The following FNDC3B variants were observed in gnomAD, a reference collection of about 807,000 sequenced individuals.
The protein encoded by FNDC3B is fibronectin type III domain containing 3B, also known as fibronectin type III domain-containing protein 3B.
FNDC3B carries 12 observed loss-of-function variants against 151.5 expected under a neutral mutation model. The observed-to-expected ratio is 0.08, with a 90% CI of 0.05 to 0.13. FNDC3B has a LOEUF of 0.13. Ranked by LOEUF, FNDC3B falls within the 10% of genes least tolerant of loss-of-function variation. FNDC3B has a pLI of 1.00. For missense variants in FNDC3B, 1,214 were observed against 1,505.3 expected (o/e 0.81, Z 3.20); for synonymous variants, 528 against 549.0 (o/e 0.96, Z 0.54).
chr3:172,112,178 G>T (rs1469051300), intron 1 of FNDC3B, among the ~76,000 whole-genome samples: 1 of 152,196 alleles, frequency 6.6e-6, no homozygotes, highest in Non-Finnish European at 1.5e-5. Flanking sequence ...CTACCTTTAA[G>T]CCTGACTGAA....
chr3:172,309,221 G>A (rs369999497), intron 10 of FNDC3B, among the ~76,000 whole-genome samples: 1 of 152,148 alleles, frequency 6.6e-6, no homozygotes, highest in African/African-American at 2.4e-5. Flanking sequence ...CCAGGTGGGG[G>A]CACAAGGACA....
At chr3:172,059,638 CAG>C (rs1418216685) in intron 1 of FNDC3B, among the ~76,000 whole-genome samples, 1 of 152,036 alleles carries the variant, frequency 6.6e-6, no homozygotes, top group Non-Finnish European at 1.5e-5. Flanking sequence ...GGCAAGAAAT[CAG>C]GGCACAAATA....
Position 172,119,383 on chromosome 3 carries a change from C to CA in FNDC3B, c.111+6808dup, listed in dbSNP as rs5854460. ...AGTTGAGGAGCAAAATGTGGCCTAC[C>CA]AAAAAAAAAAAAAAAGGCTGTATTT... On this transcript the variant is annotated intron_variant, in intron 2 of 25. Coordinates refer to ENST00000415807, the MANE Select transcript of FNDC3B (RefSeq NM_022763.4). 3.2e-3 allele frequency among the ~76,000 whole-genome samples: 421 copies of CA among 131,916 alleles called. 3 individuals are homozygous for CA. Among genetic ancestry groups the CA allele is most frequent in the East Asian group, 9.5e-3 (44 of 4,618 alleles). 86.5% of individuals were successfully genotyped at this position (131,916 alleles called of 152,430 possible). A position where few individuals can be genotyped will look rare whatever the true frequency, so the allele number is the denominator to read the frequency against.
chr3:172,202,648 A>T (rs184408097), intron 3 of FNDC3B, among the ~76,000 whole-genome samples: 1 of 152,354 alleles, frequency 6.6e-6, no homozygotes, highest in Non-Finnish European at 1.5e-5. Flanking sequence ...TTGTCTTCTT[A>T]TAAAGTCTTA....
intron 3 of FNDC3B, among the ~76,000 whole-genome samples, chr3:172,153,635 C>T (rs1436949931): frequency 6.6e-6 from 1 of 152,166 alleles, no homozygotes; most frequent in African/African-American, 2.4e-5. Context: ...TAAAAGACAC[C>T]TTTCTTATAG....
At position 172,040,919 on chromosome 3, in the gene FNDC3B, C is replaced by T. The variant is rs1464406891; in HGVS notation, c.-29+1148C>T. Reference sequence around the variant, plus strand: ...GCGGCGCCTTTGGCGGGGAGGCTTCCAGGAGTGCGCGGTCGGAGTTGGAGC... The same window carrying T: ...GCGGCGCCTTTGGCGGGGAGGCTTCTAGGAGTGCGCGGTCGGAGTTGGAGC... On this transcript the variant is annotated intron_variant, in intron 1 of 25. Transcript: ENST00000415807. This position sits in a 1 kb window ranked among gnomAD's most constrained non-coding sequence, Gnocchi z 6.6. Among the ~76,000 whole-genome samples, 1 of 152,196 alleles carries T rather than the reference C, an allele frequency of 6.6e-6. No homozygotes were observed. The highest frequency in any genetic ancestry group is 1.5e-5 in the Non-Finnish European group (1 of 68,018).
At chr3:172,105,263 G>A (rs1184251954) in intron 1 of FNDC3B, among the ~76,000 whole-genome samples, 1 of 152,066 alleles carries the variant, frequency 6.6e-6, no homozygotes, top group African/African-American at 2.4e-5. Context: ...ATATGATTCC[G>A]TATCAAATTT....
chr3:172,259,410 G>A (rs528081363), intron 6 of FNDC3B, among the ~76,000 whole-genome samples: 1 of 152,296 alleles, frequency 6.6e-6, no homozygotes, highest in South Asian at 2.1e-4. Context: ...ACTCTAGTTA[G>A]GGGCCGAGCG....
chr3:172,326,097 A>G (rs2108279096), intron 11 of FNDC3B, among the ~76,000 whole-genome samples: 1 of 152,310 alleles, frequency 6.6e-6, no homozygotes, highest in East Asian at 1.9e-4. Context: ...AAGTGTTGGG[A>G]TTACAGGCGT....
chr3:172,100,861 C>T, intron 1 of FNDC3B, among the ~76,000 whole-genome samples: 1 of 152,194 alleles, frequency 6.6e-6, no homozygotes, highest in East Asian at 1.9e-4. Context: ...AGACAGTGTT[C>T]TTACTGATTT....
At chr3:172,310,713 C>A in intron 10 of FNDC3B, 115 bp from the exon 11 acceptor site, 1 of 787,280 alleles carries the variant, frequency 1.3e-6, no homozygotes, top group Non-Finnish European at 2.3e-6. Context: ...TCAGCTTTAT[C>A]CCCCTGAGGG....
chr3:172,092,692 G>T lies in FNDC3B; in HGVS notation c.-28-19760G>T, dbSNP rs1006709408. On this transcript the variant is annotated intron_variant, in intron 1 of 25. Coordinates refer to ENST00000415807, the MANE Select transcript of FNDC3B (RefSeq NM_022763.4). ...CCTGGACAGAACTGTGGGTGTCCTG[G>T]AAAAGAGGAGGAGAGAATAGCAAGA... Among the ~76,000 whole-genome samples the T allele has an allele frequency of 4.6e-5, 7 of 152,340 alleles. No homozygotes were observed. The East Asian group carries it at 1.3e-3, about 29-fold the overall frequency.
chr3:172,091,077 A>T (rs1718803030), intron 1 of FNDC3B, among the ~76,000 whole-genome samples: 1 of 152,206 alleles, frequency 6.6e-6, no homozygotes, highest in African/African-American at 2.4e-5. Flanking sequence ...CATCCCAGTA[A>T]TTTCTTCATT....
chr3:172,191,573 T>C (rs1724509254), intron 3 of FNDC3B, among the ~76,000 whole-genome samples: 1 of 152,150 alleles, frequency 6.6e-6, no homozygotes, highest in East Asian at 1.9e-4. Context: ...GATGGCTCAC[T>C]GCAGCCTCAA....
chr3:172,337,271 G>C (rs1239575629), intron 15 of FNDC3B, 59 bp from the exon 16 acceptor site: 1 of 1,185,866 alleles, frequency 8.4e-7, no homozygotes, highest in African/African-American at 1.5e-5. Flanking sequence ...TCCTGATGAT[G>C]TTTACCAATA....
At chr3:172,250,760 G>C (rs1728019257) in intron 5 of FNDC3B, among the ~76,000 whole-genome samples, 1 of 152,150 alleles carries the variant, frequency 6.6e-6, no homozygotes, top group African/African-American at 2.4e-5. Context: ...ATTATTCCTT[G>C]ATTGGTTAGA....
At chr3:172,266,381 C>T (rs1341112185) in intron 6 of FNDC3B, among the ~76,000 whole-genome samples, 1 of 152,196 alleles carries the variant, frequency 6.6e-6, no homozygotes, top group East Asian at 1.9e-4. Context: ...GCCGTATTGC[C>T]TAGACTGGCC....
At chr3:172,100,417 A>G (rs1483665620) in intron 1 of FNDC3B, among the ~76,000 whole-genome samples, 1 of 152,198 alleles carries the variant, frequency 6.6e-6, no homozygotes, top group Non-Finnish European at 1.5e-5. Context: ...TATCATTCTT[A>G]TCTATTAAAT....
intron 13 of FNDC3B, among the ~76,000 whole-genome samples, chr3:172,331,760 C>T (rs1038394779): frequency 2.0e-5 from 3 of 152,290 alleles, no homozygotes; most frequent in Middle Eastern, 3.4e-3. Flanking sequence ...GTCTTTGACT[C>T]CCTTCCCTCA....
Sources: gnomAD v4.1 joint callset for allele counts (sites outside exome capture counted in the v4.1 genomes callset) on GRCh38, gnomAD v4.1.1 for gene constraint, Gnocchi (gnomAD v3.1) non-coding constraint, MANE v1.5 for transcripts, NCBI Gene and HGNC (gene_info 2026-07-23, HGNC 2026-07-21) for gene names.